Variants in DNAH5 observed in about 807,000 individuals in gnomAD.
DNAH5 encodes dynein axonemal heavy chain 5, also known as axonemal beta dynein heavy chain 5.
Under a neutral mutation model 518.2 loss-of-function variants are expected in DNAH5, and 372 were observed. The observed-to-expected ratio is 0.72, with a 90% CI of 0.66 to 0.78. DNAH5 has a LOEUF of 0.78. Ranked by LOEUF, DNAH5 falls within the 30% of genes least tolerant of loss-of-function variation. DNAH5 has a pLI of 0.00. For missense variants in DNAH5, 5,523 were observed against 5,687.0 expected (o/e 0.97, Z 0.93); for synonymous variants, 2,039 against 2,025.9 (o/e 1.01, Z -0.17).
intron 1 of DNAH5, among the ~76,000 whole-genome samples, chr5:13,995,888 C>A (rs1783900793): frequency 6.6e-6 from 1 of 152,130 alleles, no homozygotes; most frequent in Admixed American, 6.6e-5. Flanking sequence ...GCAAAAAACA[C>A]ACAGCTTCAC....
intron 53 of DNAH5, among the ~76,000 whole-genome samples, chr5:13,780,416 C>T (rs1754914798): frequency 6.6e-6 from 1 of 152,190 alleles, no homozygotes. Context: ...CAGCTTGACA[C>T]ATAGGCAGTG....
In DNAH5 at chr5:13,755,903, C is replaced by T. The variant is rs552352226; in HGVS notation, c.10420-1565G>A. Among the ~76,000 whole-genome samples, 8 of 152,330 alleles carry T rather than the reference C, an allele frequency of 5.3e-5. No individual in the cohort carries two copies. In the East Asian group the frequency reaches 1.3e-3, roughly 26 times the overall value. ...TTCTGGCTTTTGTTTTCTGGAAGCC[C>T]AGGCTTCTTTGGGGGATTACAATTT... On this transcript the variant is annotated intron_variant, in intron 61 of 78. Coordinates refer to ENST00000265104, the MANE Select transcript of DNAH5 (RefSeq NM_001369.3).
At chr5:13,824,485 A>G (rs1580434706) in intron 38 of DNAH5, 152 bp from the exon 39 acceptor site, 1 of 747,474 alleles carries the variant, frequency 1.3e-6, no homozygotes, top group East Asian at 2.7e-5. Context: ...ATATTTCTAT[A>G]TAGATATACG....
rs375554275 is a variant in DNAH5 at position 13,719,091 on chromosome 5, G to A, written c.12290C>T (p.Ala4097Val). Residue 4097 changes from alanine (A) to valine (V), a missense_variant, in exon 72 of 79, where the codon GCA becomes GTA. Around this residue, in one of 3 missense-constraint regions of DNAH5, gnomAD observed 5,121 missense variants for 5,223.3 expected, o/e 0.98. Transcript: ENST00000265104. The part of the protein sequence containing the change: ...LQQTMANGGW[A>V]LLQNCHLGLD... ...TCCCAGATGGCAGTTCTGCAGAAGT[G>A]CCCATCCTCCCTGTCAATAGCAGTA... 3.1e-6 allele frequency: 5 copies of A among 1,613,748 alleles called. No homozygotes were observed. The highest frequency in any genetic ancestry group is 4.2e-6 in the Non-Finnish European group (5 of 1,179,792).
chr5:13,918,649 T>C (rs1316511725), intron 7 of DNAH5, among the ~76,000 whole-genome samples: 1 of 152,116 alleles, frequency 6.6e-6, no homozygotes, highest in Non-Finnish European at 1.5e-5. Context: ...TTTTGTGCTT[T>C]TTAAGAGATG....
intron 35 of DNAH5, among the ~76,000 whole-genome samples, chr5:13,835,670 C>A (rs7356675): frequency 0.41 from 62,462 of 151,544 alleles, 13,226 homozygotes; most frequent in East Asian, 0.6. Flanking sequence ...AAGCCCTATG[C>A]AAATCAGACA....
intron 24 of DNAH5, among the ~76,000 whole-genome samples, chr5:13,868,646 A>C (rs950099383): frequency 6.6e-6 from 1 of 152,152 alleles, no homozygotes; most frequent in African/African-American, 2.4e-5. Context: ...GTGCCTGATT[A>C]TTAATTTGGG....
intron 1 of DNAH5, among the ~76,000 whole-genome samples, chr5:13,950,506 C>T (rs1436429673): frequency 6.6e-6 from 1 of 152,036 alleles, no homozygotes. Flanking sequence ...GAACTCCTGA[C>T]CTCAGGTGAT....
At chr5:13,796,907 A>G (rs887191874) in intron 47 of DNAH5, among the ~76,000 whole-genome samples, 1 of 152,110 alleles carries the variant, frequency 6.6e-6, no homozygotes, top group African/African-American at 2.4e-5. Flanking sequence ...CACATCTACA[A>G]CCATCTGATC....
At chr5:13,943,537 C>T (rs1173112868) in intron 1 of DNAH5, among the ~76,000 whole-genome samples, 1 of 152,198 alleles carries the variant, frequency 6.6e-6, no homozygotes, top group East Asian at 1.9e-4. Flanking sequence ...GAATGGTCTT[C>T]TAACTCTAGC....
rs375817990 is a variant in DNAH5 at position 13,770,816 on chromosome 5, A to C, written c.9538T>G (p.Ser3180Ala). The C allele has an allele frequency of 6.2e-6, 10 of 1,613,982 alleles. No homozygotes were observed. The Admixed American group carries it at 1.7e-4, about 27-fold the overall frequency. The change falls in exon 56 of 79, where the codon TCC becomes GCC. Residue 3180 changes from serine to alanine, a missense_variant. Transcript: ENST00000265104. Reference sequence around the variant, plus strand: ...ATGAACTTATAGCCCTGAATAAAGGAGAGGTATGATTTGGGCGTCACGTGG... The same window carrying C: ...ATGAACTTATAGCCCTGAATAAAGGCGAGGTATGATTTGGGCGTCACGTGG... ...STHVTPKSYLSFIQGYKFIYG... is the reference protein window; with the variant it reads ...STHVTPKSYLAFIQGYKFIYG...
chr5:13,782,295 G>A (rs1755286060), intron 52 of DNAH5, among the ~76,000 whole-genome samples: 1 of 152,166 alleles, frequency 6.6e-6, no homozygotes, highest in Non-Finnish European at 1.5e-5. Flanking sequence ...TCCCTCACTA[G>A]CTGCAGTGCA....
chr5:13,838,249 C>T (rs1456527549), intron 35 of DNAH5, among the ~76,000 whole-genome samples: 2 of 152,168 alleles, frequency 1.3e-5, no homozygotes, highest in Non-Finnish European at 2.9e-5. Context: ...CAACATAGCT[C>T]AGGGTCCCCA....
At chr5:13,800,579 T>C (rs1758594720) in intron 47 of DNAH5, among the ~76,000 whole-genome samples, 1 of 152,208 alleles carries the variant, frequency 6.6e-6, no homozygotes, top group Admixed American at 6.5e-5. Flanking sequence ...CATTATGTCT[T>C]TCTTTCTCAC....
At chr5:13,735,970 G>T in intron 66 of DNAH5, 38 bp from the exon 67 acceptor site, 2 of 1,513,274 alleles carry the variant, frequency 1.3e-6, no homozygotes, top group East Asian at 2.3e-5. Flanking sequence ...TGCTACGAGA[G>T]AGGAAAATAA....
intron 52 of DNAH5, among the ~76,000 whole-genome samples, chr5:13,784,102 G>A (rs1384036918): frequency 2.0e-5 from 3 of 152,094 alleles, no homozygotes; most frequent in South Asian, 4.2e-4. Flanking sequence ...TGGAGAAAAC[G>A]GCAGTTCTAG....
At chr5:13,776,345 G>C in intron 55 of DNAH5, 94 bp downstream of exon 55, 1 of 1,521,126 alleles carries the variant, frequency 6.6e-7, no homozygotes, top group East Asian at 2.2e-5. Context: ...AGCCTGCCTG[G>C]AGATCCAGCT....
At chr5:13,816,185 T>G (rs529525042) in intron 42 of DNAH5, among the ~76,000 whole-genome samples, 2 of 152,304 alleles carry the variant, frequency 1.3e-5, no homozygotes, top group Non-Finnish European at 2.9e-5. Context: ...TACAGCAATT[T>G]CAGAGGAACA....
Position 13,691,980 on chromosome 5 carries a change from C to G in DNAH5, c.*4G>C. ...AAGCATTGGGTGGGGACACTCCCCACATGTTACTTGACATCACACAGAAGG... is the reference window on the plus strand; with the variant it reads ...AAGCATTGGGTGGGGACACTCCCCAGATGTTACTTGACATCACACAGAAGG... On this transcript the variant is annotated 3_prime_UTR_variant, in exon 79 of 79. Transcript: ENST00000265104. 1 of 1,614,124 alleles carries G rather than the reference C, an allele frequency of 6.2e-7. No individual in the cohort carries two copies. The highest frequency in any genetic ancestry group is 8.5e-7 in the Non-Finnish European group (1 of 1,179,978).
Sources: gnomAD v4.1 joint callset for allele counts (sites outside exome capture counted in the v4.1 genomes callset) on GRCh38, gnomAD v4.1.1 for gene constraint, gnomAD v4.1.1 regional missense constraint, MANE v1.5 for transcripts, NCBI Gene and HGNC (gene_info 2026-07-23, HGNC 2026-07-21) for gene names.